Variants in TLL1 observed in about 807,000 individuals in gnomAD.
TLL1 encodes tolloid-like protein 1.
Under a neutral mutation model 128.2 loss-of-function variants are expected in TLL1, and 49 were observed. The ratio of observed to expected loss-of-function variants is 0.38; its 90% CI spans 0.30 to 0.48. The LOEUF is 0.48. Among genes scored for constraint, TLL1 ranks in the 20% least tolerant of loss-of-function variants. TLL1 has a pLI of 0.96. For missense variants in TLL1, 1,123 were observed against 1,242.0 expected, an observed-to-expected ratio of 0.90 and a Z score of 1.44; for synonymous variants, 454 against 418.8, an observed-to-expected ratio of 1.08 and a Z score of -1.03.
chr4:165,912,346 G>A (rs1201328439), intron 1 of TLL1, among the ~76,000 whole-genome samples: 1 of 152,102 alleles, frequency 6.6e-6, no homozygotes, highest in Non-Finnish European at 1.5e-5. Flanking sequence ...CAGCCACGGA[G>A]CCCTCTCAGA....
chr4:166,082,130 G>A (rs757912479), intron 18 of TLL1, among the ~76,000 whole-genome samples: 1 of 152,124 alleles, frequency 6.6e-6, no homozygotes, highest in Non-Finnish European at 1.5e-5. Context: ...GTGGAAGTAA[G>A]TACAGTGTAA....
At chr4:165,900,547 A>T (rs1390847467) in intron 1 of TLL1, among the ~76,000 whole-genome samples, 2 of 152,198 alleles carry the variant, frequency 1.3e-5, no homozygotes, top group African/African-American at 4.8e-5. Flanking sequence ...TTCTTTAAGA[A>T]TGTTGAATAT....
chr4:165,988,716 C>T (rs1207318709), intron 1 of TLL1, among the ~76,000 whole-genome samples: 4 of 151,618 alleles, frequency 2.6e-5, no homozygotes, highest in Admixed American at 6.6e-5. Flanking sequence ...AAATATGGAC[C>T]GTGTTATATT....
In TLL1 at chr4:166,047,408, C is replaced by T. The variant is rs527949060; in HGVS notation, c.1524+3989C>T. Among the ~76,000 whole-genome samples the T allele has an allele frequency of 3.6e-4, 54 of 151,290 alleles. 1 individual carries two copies. The South Asian group carries it at 0.01, about 29-fold the overall frequency. ...CTCGATCTCCTGAATTCGTGATCTG[C>T]CCTCCTTGGCCTCCCAAAGTGCTGG... On this transcript the variant is annotated intron_variant, in intron 12 of 20. Transcript: ENST00000061240.
At chr4:165,918,755 A>G (rs548591376) in intron 1 of TLL1, among the ~76,000 whole-genome samples, 59 of 152,092 alleles carry the variant, frequency 3.9e-4, no homozygotes, top group Non-Finnish European at 5.9e-4. Flanking sequence ...TGAGTTTGTG[A>G]GGGTCCCCAA....
intron 17 of TLL1, among the ~76,000 whole-genome samples, chr4:166,077,423 C>A (rs1206926625): frequency 6.6e-6 from 1 of 151,744 alleles, no homozygotes; most frequent in African/African-American, 2.4e-5. Context: ...GTATATTTAA[C>A]TAAGAGAGAG....
chr4:165,874,553 C>A (rs1359982567), intron 1 of TLL1, among the ~76,000 whole-genome samples: 1 of 152,182 alleles, frequency 6.6e-6, no homozygotes, highest in African/African-American at 2.4e-5. Flanking sequence ...CCTGGAGACA[C>A]CTTGGCTCCC....
intron 9 of TLL1, among the ~76,000 whole-genome samples, chr4:166,025,655 A>G (rs1738461282): frequency 6.6e-6 from 1 of 152,200 alleles, no homozygotes; most frequent in South Asian, 2.1e-4. Context: ...AATACAAATT[A>G]TATTCTCAGA....
rs186217594 is a variant in TLL1 at position 165,903,498 on chromosome 4, C to T, written c.169+29425C>T. On this transcript the variant is annotated intron_variant, in intron 1 of 20. Coordinates refer to ENST00000061240, the MANE Select transcript of TLL1 (RefSeq NM_012464.5). ...CACAATCTTGGCTCACTGCAACCTG[C>T]GCCTCCTGGGTTCAAGCGATTCTTC... Among the ~76,000 whole-genome samples the T allele has an allele frequency of 6.7e-3, 984 of 146,704 alleles. 5 individuals are homozygous for T. The highest frequency in any genetic ancestry group is 0.011 in the Non-Finnish European group (737 of 66,998).
intron 9 of TLL1, among the ~76,000 whole-genome samples, chr4:166,027,031 A>G (rs989008714): frequency 2.0e-5 from 3 of 152,196 alleles, no homozygotes; most frequent in Non-Finnish European, 4.4e-5. Flanking sequence ...AATGTGGTAC[A>G]CATACACCAT....
chr4:166,008,218 A>G (rs1458336667), intron 7 of TLL1, among the ~76,000 whole-genome samples, 170 bp downstream of exon 7: 1 of 151,594 alleles, frequency 6.6e-6, no homozygotes, highest in Non-Finnish European at 1.5e-5. Flanking sequence ...AGTATTTAAA[A>G]GGCATTTTAA....
chr4:165,987,250 T>C (rs1736430899), intron 1 of TLL1, among the ~76,000 whole-genome samples: 1 of 152,076 alleles, frequency 6.6e-6, no homozygotes, highest in African/African-American at 2.4e-5. Context: ...CTGATGGAAG[T>C]TTCATATAAC....
intron 1 of TLL1, among the ~76,000 whole-genome samples, chr4:165,936,206 A>ATATTTT (rs765472596): frequency 2.1e-5 from 3 of 139,602 alleles, no homozygotes; most frequent in East Asian, 2.1e-4. Flanking sequence ...ATATATATAT[A>ATATTTT]TTTTTTTTTC....
intron 19 of TLL1, among the ~76,000 whole-genome samples, chr4:166,097,103 A>G (rs1249316680): frequency 6.6e-6 from 1 of 152,088 alleles, no homozygotes; most frequent in African/African-American, 2.4e-5. Context: ...TGATGTGAGT[A>G]CTATGGATGA....
chr4:165,898,923 T>C (rs983240134), intron 1 of TLL1, among the ~76,000 whole-genome samples: 1 of 152,214 alleles, frequency 6.6e-6, no homozygotes, highest in African/African-American at 2.4e-5. Context: ...ATTGGTCTAT[T>C]TGGAGATTCA....
rs12507039 is a variant in TLL1, at chr4:165,873,436, G to A, written c.-469G>A. Reference sequence around the variant, plus strand: ...AGCTGCGGCGGCGGCTTTGGGCTCAGGCGGCGGCGGCTCGCGCTCGGCCGC... The same window carrying A: ...AGCTGCGGCGGCGGCTTTGGGCTCAAGCGGCGGCGGCTCGCGCTCGGCCGC... On this transcript the variant is annotated 5_prime_UTR_variant, in exon 1 of 21. Transcript: ENST00000061240. 1 of 153,124 alleles carries A rather than the reference G, an allele frequency of 6.5e-6. No homozygotes were observed. The highest frequency in any genetic ancestry group is 1.5e-5 in the Non-Finnish European group (1 of 68,832). 9.5% of individuals were successfully genotyped at this position (153,124 alleles called of 1,614,324 possible). A position where few individuals can be genotyped will look rare whatever the true frequency, so the allele number is the denominator to read the frequency against.
chr4:166,010,273 C>G (rs1230392319), intron 7 of TLL1, among the ~76,000 whole-genome samples: 1 of 151,276 alleles, frequency 6.6e-6, no homozygotes, highest in Non-Finnish European at 1.5e-5. Context: ...CTAATATGAA[C>G]ATGGGTGTGC....
chr4:166,015,022 G>T (rs1737870923), intron 8 of TLL1, among the ~76,000 whole-genome samples: 1 of 149,908 alleles, frequency 6.7e-6, no homozygotes, highest in South Asian at 2.1e-4. Context: ...TAACTTTGTT[G>T]TAAAAAAAAA....
chr4:165,927,959 A>C (rs1733349151), intron 1 of TLL1, among the ~76,000 whole-genome samples: 1 of 151,810 alleles, frequency 6.6e-6, no homozygotes. Flanking sequence ...TTAGTTAAAT[A>C]GGTATGTGTC....
Sources: allele counts gnomAD v4.1 joint callset (sites outside exome capture counted in the v4.1 genomes callset), GRCh38; gene constraint gnomAD v4.1.1; transcripts MANE v1.5; gene names NCBI Gene and HGNC (gene_info 2026-07-23, HGNC 2026-07-21).